The following ICA1 variants were observed in gnomAD, a reference collection of about 807,000 sequenced individuals.
ICA1 encodes islet cell autoantigen 1.
In ICA1, 40 loss-of-function variants were observed where a neutral mutation model predicts 71.0. That is an observed-to-expected ratio of 0.56 (90% CI 0.44 to 0.73). ICA1 has a LOEUF of 0.73. Among genes scored for constraint, ICA1 ranks in the 30% least tolerant of loss-of-function variants. The probability of loss-of-function intolerance (pLI) is 0.00; values close to 1 mark genes in which losing one functional copy is unlikely to be tolerated. For missense variants in ICA1, 578 were observed against 576.5 expected (o/e 1.00, Z -0.03); for synonymous variants, 207 against 209.5 (o/e 0.99, Z 0.10).
chr7:8,147,687 AACACAC>A (rs71014764), intron 8 of ICA1, among the ~76,000 whole-genome samples: 33,500 of 145,170 alleles, frequency 0.23, 4,082 homozygotes, highest in African/African-American at 0.33. Context: ...AGCCAAGGGG[AACACAC>A]ACACACACAC....
chr7:8,175,809 A>G (rs1780431708), intron 6 of ICA1, among the ~76,000 whole-genome samples: 1 of 152,150 alleles, frequency 6.6e-6, no homozygotes, highest in Admixed American at 6.5e-5. Flanking sequence ...GTTGTACTGG[A>G]TCAAAATCTC....
Position 8,141,755 on chromosome 7 carries a change from C to A in ICA1, c.955+10G>T, listed in dbSNP as rs370702906. The A allele has an allele frequency of 1.6e-4, 239 of 1,509,144 alleles. No individual in the cohort carries two copies. The highest frequency in any genetic ancestry group is 2.1e-4 in the Non-Finnish European group (234 of 1,100,142). 93.5% of individuals were successfully genotyped at this position (1,509,144 alleles called of 1,614,324 possible). A position where few individuals can be genotyped will look rare whatever the true frequency, so the allele number is the denominator to read the frequency against. ...TTCAGAAGCAATTCTAAATAAAAAT[C>A]AAAACTTACTCTTAAAACTAGAGGA... On this transcript the variant is annotated intron_variant, in intron 10 of 13. Transcript: ENST00000402384.
intron 8 of ICA1, among the ~76,000 whole-genome samples, chr7:8,149,314 C>A (rs1310985535): frequency 2.0e-5 from 3 of 152,226 alleles, no homozygotes; most frequent in East Asian, 1.9e-4. Flanking sequence ...CAGAGTCATA[C>A]AAGACTGAAA....
chr7:8,194,303 A>G (rs868502608), intron 6 of ICA1, among the ~76,000 whole-genome samples: 10 of 152,212 alleles, frequency 6.6e-5, no homozygotes, highest in Admixed American at 2.0e-4. Flanking sequence ...ATAAATGTTA[A>G]TATCAGTGAA....
At chr7:8,197,575 A>AATAATG (rs1788135583) in intron 6 of ICA1, among the ~76,000 whole-genome samples, 1 of 10,168 alleles carries the variant, frequency 9.8e-5, no homozygotes, top group South Asian at 0.016. Flanking sequence ...AGAAAGAAGA[A>AATAATG]ATAATAATAA....
intron 6 of ICA1, among the ~76,000 whole-genome samples, chr7:8,216,985 C>A (rs1795612690): frequency 6.6e-6 from 1 of 152,152 alleles, no homozygotes; most frequent in Non-Finnish European, 1.5e-5. Context: ...AAAGACAAAC[C>A]AAATTATTGG....
At chr7:8,241,708 G>T (rs894056200) in intron 1 of ICA1, among the ~76,000 whole-genome samples, 2 of 152,064 alleles carry the variant, frequency 1.3e-5, no homozygotes, top group Admixed American at 6.5e-5. Flanking sequence ...CAAAATAAAG[G>T]GATGGAGGAA....
At chr7:8,212,880 G>T (rs1300303323) in intron 6 of ICA1, among the ~76,000 whole-genome samples, 2 of 152,154 alleles carry the variant, frequency 1.3e-5, no homozygotes, top group African/African-American at 4.8e-5. Flanking sequence ...AAGTTCCATG[G>T]GGAAAATCAA....
intron 1 of ICA1, among the ~76,000 whole-genome samples, chr7:8,256,426 C>T (rs950711056): frequency 4.6e-5 from 7 of 152,132 alleles, no homozygotes; most frequent in Admixed American, 2.0e-4. Context: ...CATGTCAGAA[C>T]GCTTGAGCTT....
chr7:8,238,108 G>A (rs1010844507), intron 1 of ICA1, among the ~76,000 whole-genome samples: 1 of 152,148 alleles, frequency 6.6e-6, no homozygotes, highest in Non-Finnish European at 1.5e-5. Flanking sequence ...GACATTAAAT[G>A]AGGTCTTAAT....
intron 6 of ICA1, among the ~76,000 whole-genome samples, chr7:8,187,327 T>A (rs552997386): frequency 9.8e-5 from 15 of 152,308 alleles, no homozygotes; most frequent in Middle Eastern, 3.4e-3. Context: ...TGTAACACAA[T>A]GATAAGTGTT....
chr7:8,188,097 A>G (rs912206984), intron 6 of ICA1, among the ~76,000 whole-genome samples: 19 of 152,240 alleles, frequency 1.2e-4, no homozygotes, highest in African/African-American at 4.6e-4. Context: ...CTAAGGGAAC[A>G]TAATGGAATG....
intron 6 of ICA1, among the ~76,000 whole-genome samples, chr7:8,194,260 T>C (rs1287911554): frequency 6.6e-6 from 1 of 152,150 alleles, no homozygotes; most frequent in East Asian, 1.9e-4. Flanking sequence ...AATCAGAATC[T>C]TTGGGGCGGT....
At chr7:8,220,515 G>A (rs1211260442) in intron 5 of ICA1, among the ~76,000 whole-genome samples, 1 of 152,182 alleles carries the variant, frequency 6.6e-6, no homozygotes, top group African/African-American at 2.4e-5. Context: ...ACTAGTGAGT[G>A]ACATTTTGGG....
rs778303384 is a variant in ICA1 at position 8,173,581 on chromosome 7, C to T, written c.580-14929G>A. On this transcript the variant is annotated intron_variant, in intron 6 of 13. Transcript: ENST00000402384. This position sits in a 1 kb window ranked among gnomAD's most constrained non-coding sequence, Gnocchi z 4.0. ...CAAACTGTCTGTGCTTCAGGACGAC[C>T]GGATAATTGACAAGGGAGTTATTCA... Among the ~76,000 whole-genome samples, 10 of 152,190 alleles carry T rather than the reference C, an allele frequency of 6.6e-5. No homozygotes were observed. The highest frequency in any genetic ancestry group is 4.2e-4 in the South Asian group (2 of 4,812).
chr7:8,183,059 T>A (rs745523605), intron 6 of ICA1, among the ~76,000 whole-genome samples: 21 of 152,148 alleles, frequency 1.4e-4, no homozygotes, highest in Non-Finnish European at 2.6e-4. Context: ...TCCTAAAGAC[T>A]CCAGAATAAC....
intron 1 of ICA1, among the ~76,000 whole-genome samples, chr7:8,238,111 G>T (rs969941499): frequency 2.0e-5 from 3 of 152,066 alleles, no homozygotes; most frequent in African/African-American, 4.8e-5. Context: ...ATTAAATGAG[G>T]TCTTAATGTA....
intron 1 of ICA1, among the ~76,000 whole-genome samples, chr7:8,237,973 A>G (rs1183884122): frequency 6.6e-6 from 1 of 152,168 alleles, no homozygotes; most frequent in Non-Finnish European, 1.5e-5. Flanking sequence ...AGGTTCTTGG[A>G]AGCTGCAACT....
rs553786762 is a variant in ICA1 at position 8,234,062 on chromosome 7, A to G, written c.18-1307T>C. ...ACATAGTAAAACCCCATCTCTACAA[A>G]TAATTAGTCAGGTGTGGTGGCACAG... On this transcript the variant is annotated intron_variant, in intron 2 of 13. Coordinates refer to ENST00000402384, the MANE Select transcript of ICA1 (RefSeq NM_001136020.3). This position sits in a 1 kb window ranked among gnomAD's most constrained non-coding sequence, Gnocchi z 4.5. Among the ~76,000 whole-genome samples the G allele has an allele frequency of 2.0e-5, 3 of 152,230 alleles. No individual in the cohort carries two copies. Among genetic ancestry groups the G allele is most frequent in the African/African-American group, 7.2e-5 (3 of 41,534 alleles).
Sources: gnomAD v4.1 joint callset for allele counts (sites outside exome capture counted in the v4.1 genomes callset) on GRCh38, gnomAD v4.1.1 for gene constraint, Gnocchi (gnomAD v3.1) non-coding constraint, MANE v1.5 for transcripts, NCBI Gene and HGNC (gene_info 2026-07-23, HGNC 2026-07-21) for gene names.